Variants in ID2 observed in about 807,000 individuals in gnomAD.
ID2 encodes inhibitor of DNA binding 2.
In ID2, 2 loss-of-function variants were observed where a neutral mutation model predicts 8.3. The ratio of observed to expected loss-of-function variants is 0.24; its 90% CI spans 0.10 to 0.76. ID2 has a LOEUF of 0.76. ID2 is among the 30% of genes least tolerant of loss of function. The probability of loss-of-function intolerance (pLI) is 0.73; values close to 1 mark genes in which losing one functional copy is unlikely to be tolerated. For missense variants in ID2, 155 were observed against 167.0 expected (o/e 0.93, Z 0.40); for synonymous variants, 112 against 72.3 (o/e 1.55, Z -2.79).
chr2:8,682,181 C>T lies in ID2; in HGVS notation c.16C>T (p.Pro6Ser), dbSNP rs756541338. MKAFS[P>S]VRSVRKNSLS... is the part of the protein sequence containing the mutation. ...CGCGGTCAGCATGAAAGCCTTCAGT[C>T]CCGTGAGGTCCGTTAGGAAAAACAG... Residue 6 changes from proline to serine, a missense_variant, in exon 1 of 3, where the codon CCC becomes TCC. Around this residue, in one of 3 missense-constraint regions of ID2, gnomAD observed 73 missense variants for 72.2 expected, o/e 1.01. Transcript: ENST00000396290. 22 of 1,613,356 alleles carry T rather than the reference C, an allele frequency of 1.4e-5. No individual in the cohort carries two copies. Among genetic ancestry groups the T allele is most frequent in the Non-Finnish European group, 1.9e-5 (22 of 1,179,924 alleles).
chr2:8,682,415 ACTATTGTCAGCCTG>A lies in ID2; in HGVS notation c.252_265del (p.Ile85SerfsTer30). 6.2e-7 allele frequency: 1 copy of A among 1,613,804 alleles called. No homozygotes were observed. Among genetic ancestry groups the A allele is most frequent in the Non-Finnish European group, 8.5e-7 (1 of 1,180,002 alleles). On this transcript the variant is annotated frameshift_variant, in exon 1 of 3. Coordinates refer to ENST00000396290, the MANE Select transcript of ID2 (RefSeq NM_002166.5). LOFTEE classifies it high-confidence loss of function. ...GCAGATCGCCCTGGACTCGCATCCC[ACTATTGTCAGCCTG>A]CATCACCAGAGACCCGGGCAGAACC...
In ID2 at chr2:8,682,888, C is replaced by T; in HGVS notation, c.394C>T (p.Leu132=). 6.2e-7 allele frequency: 1 copy of T among 1,613,908 alleles called. No individual in the cohort carries two copies. Among genetic ancestry groups the T allele is most frequent in the East Asian group, 2.2e-5 (1 of 44,886 alleles). ...GTTAATGTCAAATGACAGCAAAGCA[C>T]TGTGTGGCTGAATAAGCGGTGAGTG... ...SELMSNDSKA[L]CG Residue 132 remains leucine, a synonymous_variant, in exon 2 of 3, where the codon CTG becomes TTG. Coordinates refer to ENST00000396290, the MANE Select transcript of ID2 (RefSeq NM_002166.5).
At position 8,682,064 on chromosome 2, in the gene ID2, C is replaced by A; in HGVS notation, c.-102C>A. Reference sequence around the variant, plus strand: ...CGCCGGGCTCGGGCTTCATTCTGAGCCGAGCCCGGTGCCAAGCGCAGCTAG... The same window carrying A: ...CGCCGGGCTCGGGCTTCATTCTGAGACGAGCCCGGTGCCAAGCGCAGCTAG... On this transcript the variant is annotated 5_prime_UTR_variant, in exon 1 of 3. Coordinates refer to ENST00000396290, the MANE Select transcript of ID2 (RefSeq NM_002166.5). The A allele has an allele frequency of 2.2e-6, 2 of 910,034 alleles. No homozygotes were observed. The highest frequency in any genetic ancestry group is 1.7e-6 in the Non-Finnish European group (1 of 593,928). 56.4% of individuals were successfully genotyped at this position (910,034 alleles called of 1,614,324 possible).
intron 2 of ID2, among the ~76,000 whole-genome samples, chr2:8,683,237 C>T (rs1169237817): frequency 6.6e-6 from 1 of 152,196 alleles, no homozygotes; most frequent in African/African-American, 2.4e-5. Context: ...CTAACCTCCA[C>T]TGTAATTAAT....
At chr2:8,682,802 C>T in intron 1 of ID2, 41 bp from the exon 2 acceptor site, 3 of 1,074,290 alleles carry the variant, frequency 2.8e-6, no homozygotes, top group South Asian at 1.3e-5. Context: ...TTCTACTTAA[C>T]ATTGTCTTAA....
chr2:8,683,436 T>C (rs1164006076), intron 2 of ID2, among the ~76,000 whole-genome samples: 1 of 152,216 alleles, frequency 6.6e-6, no homozygotes, highest in African/African-American at 2.4e-5. Flanking sequence ...CTGGCGCCTG[T>C]AGCACTGCTG....
chr2:8,683,713 C>G lies in ID2; in HGVS notation c.*36C>G, dbSNP rs1479444963. The G allele has an allele frequency of 6.6e-6, 1 of 152,060 alleles. No individual in the cohort carries two copies. Among genetic ancestry groups the G allele is most frequent in the African/African-American group, 2.4e-5 (1 of 41,252 alleles). The allele number at this position is 152,060 out of a possible 1,614,324, so 9.4% of individuals were successfully genotyped here. ...TTCATGATTTCTTTTATTCTTTGCA[C>G]AACAACAACAACAACAAATTCACGG... On this transcript the variant is annotated 3_prime_UTR_variant, in exon 3 of 3. Transcript: ENST00000396290.
At chr2:8,683,131 A>C in intron 2 of ID2, 1 of 571,924 alleles carries the variant, frequency 1.7e-6, no homozygotes, top group East Asian at 2.9e-5. Context: ...TGATGCCAAT[A>C]ACTTACTACG....
rs757670099 is a variant in ID2 at position 8,682,337 on chromosome 2, A to C, written c.172A>C (p.Lys58Gln). 21 of 1,613,906 alleles carry C rather than the reference A, an allele frequency of 1.3e-5. No homozygotes were observed. Residue 58 changes from lysine to glutamine, a missense_variant, in exon 1 of 3, where the codon AAG (lysine) becomes CAG (glutamine). Lys to Gln is a moderately conservative substitution (Grantham distance 53). Transcript: ENST00000396290. ...GGTGCCCAGCATCCCCCAGAACAAG[A>C]AGGTGAGCAAGATGGAAATCCTGCA... ...ELVPSIPQNK[K>Q]VSKMEILQHV...
chr2:8,683,917 C>T lies in ID2; in HGVS notation c.*240C>T, dbSNP rs541335646. ...TGAAAAAGACTTTTAAATGCCCTTT[C>T]TGCAGTTGGAAGGTTTTCTTTATAT... On this transcript the variant is annotated 3_prime_UTR_variant, in exon 3 of 3. Coordinates refer to ENST00000396290, the MANE Select transcript of ID2 (RefSeq NM_002166.5). 3 of 152,680 alleles carry T rather than the reference C, an allele frequency of 2.0e-5. No homozygotes were observed. Among genetic ancestry groups the T allele is most frequent in the East Asian group, 1.9e-4 (1 of 5,194 alleles). The allele number at this position is 152,680 out of a possible 1,614,324, so 9.5% of individuals were successfully genotyped here. A position where few individuals can be genotyped will look rare whatever the true frequency, so the allele number is the denominator to read the frequency against.
chr2:8,682,541 C>G (rs1662111339), intron 1 of ID2, 28 bp downstream of exon 1: 1 of 1,539,760 alleles, frequency 6.5e-7, no homozygotes, highest in South Asian at 1.1e-5. Context: ...GTCCCCGCCC[C>G]GCCGCCGCAC....
chr2:8,682,620 T>A, intron 1 of ID2, 107 bp downstream of exon 1: 1 of 814,126 alleles, frequency 1.2e-6, no homozygotes, highest in Admixed American at 2.7e-5. Flanking sequence ...TATGAGCTAT[T>A]TAACTTTATT....
rs1662156794 is a variant in ID2, at chr2:8,683,666, C to T, written c.*8-19C>T. 6.6e-6 allele frequency: 1 copy of T among 152,416 alleles called. No homozygotes were observed. The highest frequency in any genetic ancestry group is 2.4e-5 in the African/African-American group (1 of 41,450). 9.4% of individuals were successfully genotyped at this position (152,416 alleles called of 1,614,324 possible). A position where few individuals can be genotyped will look rare whatever the true frequency, so the allele number is the denominator to read the frequency against. On this transcript the variant is annotated intron_variant, in intron 2 of 2. Transcript: ENST00000396290. ...GTTACATTCTCTTAAACATGCCTTT[C>T]TCCCCCACTCTTTCGCAGGTGTTCA...
chr2:8,682,592 C>T, intron 1 of ID2, 79 bp downstream of exon 1: 2 of 1,043,758 alleles, frequency 1.9e-6, no homozygotes, highest in Non-Finnish European at 2.9e-6. Flanking sequence ...AGATCCGTAG[C>T]CCAGACGGTG....
rs1221458524 is a variant in ID2, at chr2:8,682,458, C to T, written c.293C>T (p.Ala98Val). ...LHHQRPGQNQ[A>V]SRTPLTTLNT... ...CACCAGAGACCCGGGCAGAACCAGGCGTCCAGGACGCCGCTGACCACCCTC... is the reference window on the plus strand; with the variant it reads ...CACCAGAGACCCGGGCAGAACCAGGTGTCCAGGACGCCGCTGACCACCCTC... The change falls in exon 1 of 3, where the codon GCG (alanine) becomes GTG (valine). Residue 98 changes from alanine (A) to valine (V), a missense_variant. Coordinates refer to ENST00000396290, the MANE Select transcript of ID2 (RefSeq NM_002166.5). 6.2e-7 allele frequency: 1 copy of T among 1,613,576 alleles called. No homozygotes were observed. Among genetic ancestry groups the T allele is most frequent in the Non-Finnish European group, 8.5e-7 (1 of 1,180,000 alleles).
In ID2 at chr2:8,682,342, G is replaced by A. The variant is rs149826728; in HGVS notation, c.177G>A (p.Val59=). The change falls in exon 1 of 3, where the codon GTG becomes GTA. Residue 59 remains valine (V), a synonymous_variant. Transcript: ENST00000396290. ...LVPSIPQNKK[V]SKMEILQHVI... is the part of the protein sequence containing the mutation. ...CCAGCATCCCCCAGAACAAGAAGGT[G>A]AGCAAGATGGAAATCCTGCAGCACG... is the stretch of plus-strand genomic sequence containing the variant. 6.5e-5 allele frequency: 105 copies of A among 1,614,068 alleles called. No homozygotes were observed. Among genetic ancestry groups the A allele is most frequent in the Admixed American group, 5.8e-4 (35 of 60,028 alleles).
chr2:8,682,585 TC>T, intron 1 of ID2, 72 bp downstream of exon 1: 1 of 1,112,810 alleles, frequency 9.0e-7, no homozygotes, highest in Non-Finnish European at 1.3e-6. Flanking sequence ...CACTAGGAGA[TC>T]CGTAGCCCAG....
In ID2 at chr2:8,682,584, A is replaced by G; in HGVS notation, c.348+71A>G. 5 of 1,126,258 alleles carry G rather than the reference A, an allele frequency of 4.4e-6. No homozygotes were observed. In the Middle Eastern group the frequency reaches 8.1e-4, roughly 182 times the overall value. The allele number at this position is 1,126,258 out of a possible 1,614,324, so 69.8% of individuals were successfully genotyped here. A position where few individuals can be genotyped will look rare whatever the true frequency, so the allele number is the denominator to read the frequency against. On this transcript the variant is annotated intron_variant, in intron 1 of 2. Transcript: ENST00000396290. ...CGGTCGTCTGGGCTGTCACTAGGAG[A>G]TCCGTAGCCCAGACGGTGACTTTCG...
At position 8,682,066 on chromosome 2, in the gene ID2, G is replaced by T; in HGVS notation, c.-100G>T. The T allele has an allele frequency of 1.1e-6, 1 of 930,246 alleles. No homozygotes were observed. The highest frequency in any genetic ancestry group is 1.5e-5 in the South Asian group (1 of 65,304). The allele number at this position is 930,246 out of a possible 1,614,324, so 57.6% of individuals were successfully genotyped here. On this transcript the variant is annotated 5_prime_UTR_variant, in exon 1 of 3. Transcript: ENST00000396290. ...CCGGGCTCGGGCTTCATTCTGAGCCGAGCCCGGTGCCAAGCGCAGCTAGCT... is the reference window on the plus strand; with the variant it reads ...CCGGGCTCGGGCTTCATTCTGAGCCTAGCCCGGTGCCAAGCGCAGCTAGCT...
Sources: gnomAD v4.1 joint callset for allele counts (sites outside exome capture counted in the v4.1 genomes callset) on GRCh38, gnomAD v4.1.1 for gene constraint, gnomAD v4.1.1 regional missense constraint, MANE v1.5 for transcripts, NCBI Gene and HGNC (gene_info 2026-07-23, HGNC 2026-07-21) for gene names.